DLGAP1: variants seen among roughly 807,000 people sequenced by gnomAD.
The protein encoded by DLGAP1 is disks large-associated protein 1.
Under a neutral mutation model 90.8 loss-of-function variants are expected in DLGAP1, and 11 were observed. The ratio of observed to expected loss-of-function variants is 0.12; its 90% CI spans 0.08 to 0.20. The LOEUF is 0.20. Ranked by LOEUF, DLGAP1 falls within the 10% of genes least tolerant of loss-of-function variation. The pLI, the probability that DLGAP1 is intolerant of heterozygous loss-of-function variation, is 1.00. For synonymous variants in DLGAP1, 558 were observed against 540.7 expected, an observed-to-expected ratio of 1.03 and a Z score of -0.44; for missense variants, 1,050 against 1,333.8, an observed-to-expected ratio of 0.79 and a Z score of 3.31.
At chr18:4,041,259 T>C (rs2074969732) in intron 2 of DLGAP1, among the ~76,000 whole-genome samples, 1 of 152,224 alleles carries the variant, frequency 6.6e-6, no homozygotes, top group African/African-American at 2.4e-5. Flanking sequence ...TGCTTATTTA[T>C]GTCATCATCA....
At chr18:3,581,767 G>T in intron 8 of DLGAP1, 108 bp downstream of exon 8, 1 of 1,444,304 alleles carries the variant, frequency 6.9e-7, no homozygotes. Flanking sequence ...CCTATGCATA[G>T]ATCTATGATT....
chr18:4,099,607 G>A (rs1049995256), intron 2 of DLGAP1, among the ~76,000 whole-genome samples: 1 of 152,096 alleles, frequency 6.6e-6, no homozygotes, highest in Non-Finnish European at 1.5e-5. Context: ...TCTTTTTGCG[G>A]TGAAGGGTTT....
intron 4 of DLGAP1, among the ~76,000 whole-genome samples, chr18:3,847,655 A>G (rs1209318690): frequency 3.9e-5 from 6 of 152,174 alleles, no homozygotes; most frequent in Non-Finnish European, 8.8e-5. Flanking sequence ...CTACCAAATG[A>G]TCCAGACGAG....
chr18:3,671,068 TC>T (rs2060071908), intron 7 of DLGAP1, among the ~76,000 whole-genome samples: 1 of 152,306 alleles, frequency 6.6e-6, no homozygotes, highest in African/African-American at 2.4e-5. Flanking sequence ...ATCCCTTCTT[TC>T]TTTTTCCCAC....
At chr18:4,186,194 T>C (rs1003114466) in intron 1 of DLGAP1, among the ~76,000 whole-genome samples, 1 of 152,184 alleles carries the variant, frequency 6.6e-6, no homozygotes, top group African/African-American at 2.4e-5. Flanking sequence ...TTCGGATGCA[T>C]AGTTTCCAAA....
intron 1 of DLGAP1, among the ~76,000 whole-genome samples, chr18:4,163,588 C>G (rs1434227847): frequency 6.6e-6 from 1 of 152,140 alleles, no homozygotes; most frequent in Non-Finnish European, 1.5e-5. Context: ...TTCCCACTGC[C>G]AATGTCATCA....
chr18:4,312,935 G>C (rs897400379), intron 1 of DLGAP1, among the ~76,000 whole-genome samples: 3 of 152,108 alleles, frequency 2.0e-5, no homozygotes, highest in Non-Finnish European at 4.4e-5. Context: ...GTGCAAACAT[G>C]CGTGCCAGGA....
chr18:4,160,677 C>G (rs528218408), intron 1 of DLGAP1, among the ~76,000 whole-genome samples: 1 of 152,250 alleles, frequency 6.6e-6, no homozygotes, highest in South Asian at 2.1e-4. Flanking sequence ...GGATGTATCA[C>G]TATACAGACC....
intron 1 of DLGAP1, among the ~76,000 whole-genome samples, chr18:4,207,191 C>T (rs951344587): frequency 2.6e-5 from 4 of 152,158 alleles, no homozygotes; most frequent in African/African-American, 9.7e-5. Context: ...ACTCACAGGT[C>T]AGCATGGCTG....
At chr18:4,252,633 T>C (rs1232697588) in intron 1 of DLGAP1, among the ~76,000 whole-genome samples, 1 of 152,202 alleles carries the variant, frequency 6.6e-6, no homozygotes. Context: ...TTTAAACTAG[T>C]AGCTAAAGAA....
intron 7 of DLGAP1, among the ~76,000 whole-genome samples, chr18:3,613,541 G>A (rs1665397861): frequency 6.6e-6 from 1 of 152,082 alleles, no homozygotes; most frequent in African/African-American, 2.4e-5. Context: ...GTCTCCCTGT[G>A]TTGCCCAGGC....
intron 5 of DLGAP1, among the ~76,000 whole-genome samples, chr18:3,756,979 G>A (rs560585932): frequency 1.8e-4 from 27 of 152,248 alleles, no homozygotes; most frequent in African/African-American, 5.5e-4. Flanking sequence ...GGCTCAGATC[G>A]TTTCACTGGT....
At chr18:3,740,239 AAT>A (rs2062842175) in intron 6 of DLGAP1, among the ~76,000 whole-genome samples, 1 of 152,210 alleles carries the variant, frequency 6.6e-6, no homozygotes. Flanking sequence ...ATGCAGAATA[AAT>A]ATGTGCTCCA....
At chr18:3,618,129 C>A (rs1599566731) in intron 7 of DLGAP1, among the ~76,000 whole-genome samples, 1 of 152,156 alleles carries the variant, frequency 6.6e-6, no homozygotes, top group African/African-American at 2.4e-5. Flanking sequence ...CAGAGTCTAA[C>A]AAAGGTTTAT....
chr18:4,450,379 G>C (rs1333902547), intron 1 of DLGAP1, among the ~76,000 whole-genome samples: 1 of 152,152 alleles, frequency 6.6e-6, no homozygotes, highest in Non-Finnish European at 1.5e-5. Context: ...TCCAGTAGTA[G>C]AATTAAAACA....
At chr18:4,079,705 T>C (rs2075576815) in intron 2 of DLGAP1, among the ~76,000 whole-genome samples, 1 of 150,318 alleles carries the variant, frequency 6.7e-6, no homozygotes, top group Non-Finnish European at 1.5e-5. Flanking sequence ...TATATATATA[T>C]ATATATATAA....
chr18:3,499,230 G>T lies in DLGAP1; in HGVS notation c.2889C>A (p.Ala963=). The part of the protein sequence containing the change: ...SVRQNSATES[A]ESIEIYIPEA... Reference sequence around the variant, plus strand: ...CGGGGATGTAGATCTCGATGCTCTCGGCGCTCTCGGTGGCCGAGTTCTGGC... The same window carrying T: ...CGGGGATGTAGATCTCGATGCTCTCTGCGCTCTCGGTGGCCGAGTTCTGGC... The change falls in exon 13 of 13, where the codon GCC becomes GCA. Residue 963 remains alanine (A), a synonymous_variant. Coordinates refer to ENST00000315677, the MANE Select transcript of DLGAP1 (RefSeq NM_004746.4). The surrounding 1 kb of genome is among the most constrained non-coding windows in gnomAD (Gnocchi z 6.4). 6.3e-7 allele frequency: 1 copy of T among 1,594,938 alleles called. No homozygotes were observed. The highest frequency in any genetic ancestry group is 8.5e-7 in the Non-Finnish European group (1 of 1,173,542).
chr18:3,615,505 C>A (rs1038158326), intron 7 of DLGAP1, among the ~76,000 whole-genome samples: 9 of 152,138 alleles, frequency 5.9e-5, no homozygotes, highest in African/African-American at 1.9e-4. Context: ...TGGCCTTGGA[C>A]ACGCCCAGGT....
chr18:3,879,859 G>T lies in DLGAP1; in HGVS notation c.210C>A (p.Phe70Leu), dbSNP rs1047913963. Residue 70 changes from phenylalanine to leucine, a missense_variant, in exon 4 of 13, where the codon TTC becomes TTA. Phe to Leu is a conservative substitution (Grantham distance 22, BLOSUM62 0). Around this residue, in one of 2 missense-constraint regions of DLGAP1, gnomAD observed 485 missense variants for 454.1 expected, o/e 1.07. Transcript: ENST00000315677. The surrounding 1 kb of genome is among the most constrained non-coding windows in gnomAD (Gnocchi z 6.6). The stretch of plus-strand genomic sequence containing the variant: ...GCTGCGAGGTGTAGTGCCTGCGGGG[G>T]AAGGTGCTGCTGGCCAGCGGGTCGC... ...PFSDPLASST[F>L]PRRHYTSQQE... 1 of 1,610,410 alleles carries T rather than the reference G, an allele frequency of 6.2e-7. No homozygotes were observed. The highest frequency in any genetic ancestry group is 2.2e-5 in the East Asian group (1 of 44,856).
Sources: gnomAD v4.1 joint callset for allele counts (sites outside exome capture counted in the v4.1 genomes callset) on GRCh38, gnomAD v4.1.1 for gene constraint, gnomAD v4.1.1 regional missense constraint, Gnocchi (gnomAD v3.1) non-coding constraint, MANE v1.5 for transcripts, NCBI Gene and HGNC (gene_info 2026-07-23, HGNC 2026-07-21) for gene names.